The following TNFSF4 variants were observed in gnomAD, a reference collection of about 807,000 sequenced individuals.
TNFSF4 encodes the protein TNF superfamily member 4.
Under a neutral mutation model 7.3 loss-of-function variants are expected in TNFSF4, and 4 were observed. That is an observed-to-expected ratio of 0.55 (90% confidence interval 0.27 to 1.25). TNFSF4 has a LOEUF of 1.25. Ranked by LOEUF, TNFSF4 falls within the 50% of genes most tolerant of loss-of-function variation. The probability of loss-of-function intolerance (pLI) is 0.12; values close to 1 mark genes in which losing one functional copy is unlikely to be tolerated. For missense variants in TNFSF4, 181 were observed against 208.8 expected, an observed-to-expected ratio of 0.87 and a Z score of 0.82; for synonymous variants, 76 against 83.7, an observed-to-expected ratio of 0.91 and a Z score of 0.50.
At chr1:173,217,169 C>T in the TNFSF4 span, among the ~76,000 whole-genome samples, 1 of 152,304 alleles carries the variant, frequency 6.6e-6, no homozygotes, top group South Asian at 2.1e-4. Context: ...GTGCTTGTCT[C>T]CCCTGGGTGG....
chr1:173,250,152 C>T, the TNFSF4 span, among the ~76,000 whole-genome samples: 5 of 152,278 alleles, frequency 3.3e-5, no homozygotes, highest in African/African-American at 9.6e-5. Flanking sequence ...CCTATATATA[C>T]GGCATCTAGT....
chr1:173,412,995 C>T, the TNFSF4 span, among the ~76,000 whole-genome samples: 1 of 152,132 alleles, frequency 6.6e-6, no homozygotes, highest in African/African-American at 2.4e-5. Flanking sequence ...TGTTGATTGG[C>T]TTGGGACGGG....
chr1:173,330,885 C>CT, the TNFSF4 span, among the ~76,000 whole-genome samples: 2,165 of 138,402 alleles, frequency 0.016, 32 homozygotes, highest in African/African-American at 0.033. Flanking sequence ...CTTTTCTTAT[C>CT]TTTTTTTTTT....
At chr1:173,190,755 C>A (rs997385241) in intron 1 of TNFSF4, among the ~76,000 whole-genome samples, 1 of 152,212 alleles carries the variant, frequency 6.6e-6, no homozygotes, top group Non-Finnish European at 1.5e-5. Flanking sequence ...GCATGAATTG[C>A]CACGTGCTAA....
chr1:173,178,103 A>G, the TNFSF4 span, among the ~76,000 whole-genome samples: 1 of 152,178 alleles, frequency 6.6e-6, no homozygotes, highest in Non-Finnish European at 1.5e-5. Flanking sequence ...CAGAGGATAT[A>G]CCCATTATAT....
upstream of TNFSF4, chr1:173,207,398 T>C (rs1266926111): frequency 1.2e-5 from 5 of 419,682 alleles, no homozygotes; most frequent in Non-Finnish European, 2.1e-5. Context: ...GGAACTTCTT[T>C]GTGACTAATC....
the TNFSF4 span, among the ~76,000 whole-genome samples, chr1:173,420,320 A>G: frequency 6.6e-6 from 1 of 152,156 alleles, no homozygotes; most frequent in Admixed American, 6.5e-5. Context: ...CATGGACTTC[A>G]CCATTTTCTC....
the TNFSF4 span, chr1:173,363,223 C>A: frequency 7.0e-6 from 2 of 286,336 alleles, no homozygotes; most frequent in Non-Finnish European, 1.4e-5. Context: ...TTGATTGTAT[C>A]GCCATTCTCT....
At chr1:173,188,426 G>A (rs1047357765) in intron 2 of TNFSF4, 95 bp downstream of exon 2, 5 of 1,000,662 alleles carry the variant, frequency 5.0e-6, no homozygotes, top group East Asian at 2.4e-5. Context: ...CTTCCCTTAG[G>A]AAAAGAAGAG....
chr1:173,429,076 G>T, the TNFSF4 span, among the ~76,000 whole-genome samples: 1 of 151,922 alleles, frequency 6.6e-6, no homozygotes, highest in South Asian at 2.1e-4. Context: ...CAGGAGAGAG[G>T]ATATGTGTAA....
the TNFSF4 span, among the ~76,000 whole-genome samples, chr1:173,249,090 G>C: frequency 6.6e-6 from 1 of 152,104 alleles, no homozygotes; most frequent in African/African-American, 2.4e-5. Context: ...AAGTAGAGTC[G>C]ACAAGACTTA....
chr1:173,362,942 A>G, the TNFSF4 span: 1 of 417,292 alleles, frequency 2.4e-6, no homozygotes, highest in Non-Finnish European at 4.7e-6. Context: ...AATAGTTCCT[A>G]GAACTTAGTT....
At chr1:173,263,123 GA>G in the TNFSF4 span, among the ~76,000 whole-genome samples, 2 of 152,122 alleles carry the variant, frequency 1.3e-5, no homozygotes, top group Non-Finnish European at 2.9e-5. Context: ...ACTGCTCAAG[GA>G]AATAAGAGAG....
the TNFSF4 span, among the ~76,000 whole-genome samples, chr1:173,343,445 G>A: frequency 2.6e-5 from 4 of 152,166 alleles, no homozygotes; most frequent in African/African-American, 9.7e-5. Flanking sequence ...AGCCCAATGC[G>A]CATTCAAGGA....
chr1:173,271,525 A>G, the TNFSF4 span, among the ~76,000 whole-genome samples: 4 of 152,182 alleles, frequency 2.6e-5, no homozygotes, highest in African/African-American at 7.2e-5. Context: ...ACCCCATCAA[A>G]AAGTAGGCAA....
At chr1:173,267,282 T>C in the TNFSF4 span, among the ~76,000 whole-genome samples, 134 of 152,150 alleles carry the variant, frequency 8.8e-4, 1 homozygote, top group Non-Finnish European at 2.5e-4. Context: ...CCAGGCTATA[T>C]TGAAGTTCAT....
chr1:173,293,804 G>A, the TNFSF4 span, among the ~76,000 whole-genome samples: 1 of 152,100 alleles, frequency 6.6e-6, no homozygotes, highest in East Asian at 1.9e-4. Flanking sequence ...AATGGGTAAA[G>A]GACATGAATG....
the TNFSF4 span, chr1:173,441,977 A>C: frequency 6.6e-6 from 1 of 152,246 alleles, no homozygotes; most frequent in African/African-American, 2.4e-5. Flanking sequence ...AAAAAGGTGG[A>C]TCAAAATGCT....
the TNFSF4 span, among the ~76,000 whole-genome samples, chr1:173,422,189 G>C: frequency 1.3e-5 from 2 of 152,242 alleles, no homozygotes; most frequent in African/African-American, 4.8e-5. Flanking sequence ...ATGTGAGCTA[G>C]TGTTATTATT....
Sources: gnomAD v4.1 joint callset for allele counts (sites outside exome capture counted in the v4.1 genomes callset) on GRCh38, gnomAD v4.1.1 for gene constraint, MANE v1.5 for transcripts, NCBI Gene and HGNC (gene_info 2026-07-23, HGNC 2026-07-21) for gene names.